MIOS: variants seen among roughly 807,000 people sequenced by gnomAD.
MIOS encodes the protein meiosis regulator for oocyte development.
A neutral mutation model predicts 96.9 loss-of-function variants in MIOS; 52 were observed. That is an observed-to-expected ratio of 0.54 (90% CI 0.43 to 0.68). The LOEUF is 0.68. MIOS is among the 30% of genes least tolerant of loss of function. MIOS has a pLI of 0.00. For synonymous variants in MIOS, 397 were observed against 359.5 expected (o/e 1.10, Z -1.18); for missense variants, 1,005 against 1,052.8 (o/e 0.95, Z 0.63).
chr7:7,580,948 A>C (rs1284042919), intron 5 of MIOS, among the ~76,000 whole-genome samples: 1 of 149,486 alleles, frequency 6.7e-6, no homozygotes, highest in African/African-American at 2.5e-5. Flanking sequence ...CGTCCTCCCA[A>C]AGTGCTGGGA....
rs1784237085 is a variant in MIOS, at chr7:7,597,468, T to TTATATATATAAA, written c.2401+1017_2401+1018insAATATATATATA. ...GCTGTTTGTCAGTTACCTAGTAAAT[T>TTATATATATAAA]TATATATATATATATATATATATAT... On this transcript the variant is annotated intron_variant, in intron 11 of 12. Transcript: ENST00000340080. Among the ~76,000 whole-genome samples, 16 of 11,696 alleles carry TTATATATATAAA rather than the reference T, an allele frequency of 1.4e-3. 3 individuals carry two copies. Among genetic ancestry groups the TTATATATATAAA allele is most frequent in the Non-Finnish European group, 1.8e-3 (12 of 6,584 alleles). 7.7% of individuals were successfully genotyped at this position (11,696 alleles called of 152,430 possible).
At chr7:7,592,490 A>G (rs78331513) in intron 9 of MIOS, among the ~76,000 whole-genome samples, 15,363 of 152,094 alleles carry the variant, frequency 0.1, 857 homozygotes, top group Middle Eastern at 0.23. Flanking sequence ...AGCACATTGT[A>G]TTTATTGTGC....
chr7:7,587,639 T>A (rs1368981899), intron 7 of MIOS, among the ~76,000 whole-genome samples: 1 of 152,174 alleles, frequency 6.6e-6, no homozygotes, highest in Non-Finnish European at 1.5e-5. Context: ...CAAAATTTTG[T>A]AACATATGCA....
chr7:7,586,155 CGTGTGTGTGTGTGTGTGTGTGTGT>C (rs10527974), intron 7 of MIOS, among the ~76,000 whole-genome samples: 2 of 150,054 alleles, frequency 1.3e-5, no homozygotes, highest in Non-Finnish European at 3.0e-5. Context: ...CACACATGCA[CGTGTGTGTGTGTGTGTGTGTGTGT>C]GTGTGTGTGT....
chr7:7,590,404 A>T (rs1784014632), intron 9 of MIOS, among the ~76,000 whole-genome samples: 1 of 152,204 alleles, frequency 6.6e-6, no homozygotes, highest in Admixed American at 6.5e-5. Context: ...ATTAAAGTGT[A>T]TGTATATGGC....
intron 11 of MIOS, among the ~76,000 whole-genome samples, chr7:7,599,338 GCTA>G (rs1232332771): frequency 6.6e-6 from 1 of 152,084 alleles, no homozygotes; most frequent in African/African-American, 2.4e-5. Context: ...GTACATATTT[GCTA>G]CTTTTTTCTA....
chr7:7,598,406 T>A (rs1784277902), intron 11 of MIOS, among the ~76,000 whole-genome samples: 1 of 152,218 alleles, frequency 6.6e-6, no homozygotes, highest in Non-Finnish European at 1.5e-5. Context: ...TCCATCTAGA[T>A]GCTTTTTTTA....
intron 12 of MIOS, among the ~76,000 whole-genome samples, chr7:7,606,725 T>C (rs1465307264): frequency 6.6e-6 from 1 of 152,174 alleles, no homozygotes; most frequent in East Asian, 1.9e-4. Flanking sequence ...TTTTGATGCT[T>C]TTTTTCTCTG....
At chr7:7,605,885 TA>T in intron 11 of MIOS, 56 bp from the exon 12 acceptor site, 1 of 1,493,526 alleles carries the variant, frequency 6.7e-7, no homozygotes, top group South Asian at 1.3e-5. Flanking sequence ...TTTTTGAAAG[TA>T]ACTTTAAATA....
intron 5 of MIOS, among the ~76,000 whole-genome samples, chr7:7,578,958 G>A (rs1035842321): frequency 6.6e-6 from 1 of 152,150 alleles, no homozygotes; most frequent in Admixed American, 6.5e-5. Flanking sequence ...TGATCTGCCT[G>A]CCTCGGGCTC....
rs1784315921 is a variant in MIOS at position 7,599,746 on chromosome 7, TAA to T, written c.2401+3286_2401+3287del. Among the ~76,000 whole-genome samples, 3 of 152,174 alleles carry T rather than the reference TAA, an allele frequency of 2.0e-5. No individual in the cohort carries two copies. In the South Asian group the frequency reaches 6.2e-4, roughly 31 times the overall value. Reference sequence around the variant, plus strand: ...ATGATCTTTAAAGGCATTGCTGAGCTAAGTTAGAGAATAATCACTCTTTATAA... The same window carrying T: ...ATGATCTTTAAAGGCATTGCTGAGCTGTTAGAGAATAATCACTCTTTATAA... On this transcript the variant is annotated intron_variant, in intron 11 of 12. Coordinates refer to ENST00000340080, the MANE Select transcript of MIOS (RefSeq NM_019005.4).
At chr7:7,577,123 A>C (rs1783560877) in intron 5 of MIOS, among the ~76,000 whole-genome samples, 1 of 152,170 alleles carries the variant, frequency 6.6e-6, no homozygotes. Flanking sequence ...GTTTGGAGTA[A>C]GAAAGAGATG....
chr7:7,600,401 A>C (rs957702180), intron 11 of MIOS, among the ~76,000 whole-genome samples: 1 of 152,184 alleles, frequency 6.6e-6, no homozygotes, highest in Non-Finnish European at 1.5e-5. Flanking sequence ...GGAAAACAAA[A>C]AAAGGCAGGC....
chr7:7,590,643 C>T (rs955602488), intron 9 of MIOS, among the ~76,000 whole-genome samples: 1 of 152,038 alleles, frequency 6.6e-6, no homozygotes, highest in Non-Finnish European at 1.5e-5. Context: ...TCCTATGTTC[C>T]TTTCCTACCT....
rs145872004 is a variant in MIOS at position 7,593,267 on chromosome 7, A to C, written c.2044-1713A>C. ...GACCTCTACTTTTTTAAGAAATGAA[A>C]TTGTAAGCTATGTGTTTCACATGTT... is the stretch of plus-strand genomic sequence containing the variant. On this transcript the variant is annotated intron_variant, in intron 9 of 12. Coordinates refer to ENST00000340080, the MANE Select transcript of MIOS (RefSeq NM_019005.4). Among the ~76,000 whole-genome samples the C allele has an allele frequency of 3.2e-3, 488 of 152,300 alleles. 2 individuals are homozygous for C. The highest frequency in any genetic ancestry group is 0.011 in the African/African-American group (458 of 41,550).
intron 5 of MIOS, among the ~76,000 whole-genome samples, chr7:7,576,816 G>C (rs1042174049): frequency 5.3e-5 from 8 of 152,194 alleles, no homozygotes; most frequent in Non-Finnish European, 1.0e-4. Context: ...AGAGGAGCTA[G>C]AGAAATGTGG....
At chr7:7,596,542 A>G (rs1784208171) in intron 11 of MIOS, 81 bp downstream of exon 11, 8 of 1,315,952 alleles carry the variant, frequency 6.1e-6, no homozygotes, top group Non-Finnish European at 8.6e-6. Context: ...ATAAAATACA[A>G]ACTAGCTAGA....
intron 11 of MIOS, among the ~76,000 whole-genome samples, 185 bp downstream of exon 11, chr7:7,596,646 C>T (rs1289863434): frequency 6.6e-6 from 1 of 152,114 alleles, no homozygotes; most frequent in Non-Finnish European, 1.5e-5. Flanking sequence ...AAATCTATAT[C>T]TATTGATACT....
chr7:7,582,446 T>G (rs1329785102), intron 5 of MIOS, among the ~76,000 whole-genome samples: 2 of 152,216 alleles, frequency 1.3e-5, no homozygotes, highest in Non-Finnish European at 2.9e-5. Context: ...CTGCCTTGAT[T>G]GCAGTATAAA....
Sources: gnomAD v4.1 joint callset for allele counts (sites outside exome capture counted in the v4.1 genomes callset) on GRCh38, gnomAD v4.1.1 for gene constraint, MANE v1.5 for transcripts, NCBI Gene and HGNC (gene_info 2026-07-23, HGNC 2026-07-21) for gene names.